A1CF: variants seen among roughly 807,000 people sequenced by gnomAD.
The protein encoded by A1CF is APOBEC-1 stimulating protein.
A1CF carries 48 observed loss-of-function variants against 68.9 expected under a neutral mutation model. The observed-to-expected ratio is 0.70, with a 90% CI of 0.55 to 0.89. The LOEUF (loss-of-function observed/expected upper bound fraction) is 0.89. Ranked by LOEUF, A1CF falls within the 40% of genes least tolerant of loss-of-function variation. The pLI, the probability that A1CF is intolerant of heterozygous loss-of-function variation, is 0.00. For synonymous variants in A1CF, 272 were observed against 260.4 expected (o/e 1.04, Z -0.43); for missense variants, 653 against 718.9 (o/e 0.91, Z 1.05).
intron 5 of A1CF, among the ~76,000 whole-genome samples, chr10:50,839,954 C>A (rs1203953679): frequency 6.6e-6 from 1 of 152,162 alleles, no homozygotes; most frequent in Non-Finnish European, 1.5e-5. Context: ...GTTGGTCAGG[C>A]TGGTCTCAAA....
At chr10:50,809,107 A>T (rs1209444859) in intron 12 of A1CF, among the ~76,000 whole-genome samples, 2 of 152,134 alleles carry the variant, frequency 1.3e-5, no homozygotes, top group African/African-American at 4.8e-5. Context: ...ATTCAGTTTT[A>T]ATTATTACCA....
chr10:50,839,172 T>C (rs1839658218), intron 5 of A1CF, among the ~76,000 whole-genome samples: 1 of 152,226 alleles, frequency 6.6e-6, no homozygotes, highest in Non-Finnish European at 1.5e-5. Context: ...GGATTGATTT[T>C]ATTCATTATT....
Position 50,813,962 on chromosome 10 carries a change from T to C in A1CF, c.1218A>G (p.Lys406=), listed in dbSNP as rs1331106408. ...YTGLGRGYQV[K]GDKREDKLYD... ...AGAGTTTGTCTTCTCTTTTGTCTCC[T>C]TTGACCTGGTATCCTCGACCCAGGC... Residue 406 remains lysine, a synonymous_variant, in exon 10 of 13, where the codon AAA becomes AAG. Transcript: ENST00000373997. The C allele has an allele frequency of 1.9e-6, 3 of 1,613,942 alleles. No homozygotes were observed. The African/African-American group carries it at 4.0e-5, about 22-fold the overall frequency.
intron 10 of A1CF, among the ~76,000 whole-genome samples, chr10:50,812,318 C>T (rs529209544): frequency 6.6e-6 from 1 of 152,184 alleles, no homozygotes; most frequent in South Asian, 2.1e-4. Flanking sequence ...CACAACTCTA[C>T]TTTGGGATTG....
At position 50,880,499 on chromosome 10, in the gene A1CF, C is replaced by T. The variant is rs1007260959; in HGVS notation, c.-94+5082G>A. Among the ~76,000 whole-genome samples the T allele has an allele frequency of 2.6e-5, 4 of 152,232 alleles. No homozygotes were observed. The East Asian group carries it at 5.8e-4, about 22-fold the overall frequency. Reference sequence around the variant, plus strand: ...TAGTTGGTAGTAAGTACATGAATGGCGAGGAACTCTTAGGGATCTTCGGAA... The same window carrying T: ...TAGTTGGTAGTAAGTACATGAATGGTGAGGAACTCTTAGGGATCTTCGGAA... On this transcript the variant is annotated intron_variant, in intron 1 of 12. Coordinates refer to ENST00000373997, the MANE Select transcript of A1CF (RefSeq NM_014576.4).
chr10:50,829,091 A>T (rs78803224), intron 6 of A1CF, among the ~76,000 whole-genome samples: 18 of 152,148 alleles, frequency 1.2e-4, no homozygotes, highest in Non-Finnish European at 2.6e-4. Flanking sequence ...CCCATGTGCC[A>T]TCTCAGTTAC....
chr10:50,839,217 C>G (rs1839660411), intron 5 of A1CF, among the ~76,000 whole-genome samples: 1 of 152,200 alleles, frequency 6.6e-6, no homozygotes, highest in Admixed American at 6.5e-5. Flanking sequence ...TATTTACAGG[C>G]CCTATTGGGT....
chr10:50,857,891 A>G (rs900642945), intron 3 of A1CF, among the ~76,000 whole-genome samples: 2 of 152,222 alleles, frequency 1.3e-5, no homozygotes, highest in Non-Finnish European at 2.9e-5. Context: ...TCAAATATCA[A>G]AGAGAACCCA....
chr10:50,819,604 T>C (rs1838544138), intron 8 of A1CF, among the ~76,000 whole-genome samples: 1 of 152,186 alleles, frequency 6.6e-6, no homozygotes, highest in South Asian at 2.1e-4. Context: ...TTGTTTTCTT[T>C]TGGGACCCTG....
chr10:50,806,467 C>A lies in A1CF; in HGVS notation c.*262G>T. On this transcript the variant is annotated 3_prime_UTR_variant, in exon 13 of 13. Coordinates refer to ENST00000373997, the MANE Select transcript of A1CF (RefSeq NM_014576.4). ...TTTGTAAACATACTCCCCAAACACTCAGGAAGACTGGAAGAACAACTTTTG... is the reference window on the plus strand; with the variant it reads ...TTTGTAAACATACTCCCCAAACACTAAGGAAGACTGGAAGAACAACTTTTG... 4.2e-6 allele frequency: 1 copy of A among 239,072 alleles called. No homozygotes were observed. The highest frequency in any genetic ancestry group is 7.9e-6 in the Non-Finnish European group (1 of 126,080). The allele number at this position is 239,072 out of a possible 1,614,324, so 14.8% of individuals were successfully genotyped here.
At chr10:50,875,530 G>A (rs1358109820) in intron 1 of A1CF, among the ~76,000 whole-genome samples, 2 of 152,220 alleles carry the variant, frequency 1.3e-5, no homozygotes, top group Non-Finnish European at 2.9e-5. Flanking sequence ...AAGAGCCTGA[G>A]CAGTTCTGTG....
At chr10:50,826,421 T>C (rs1838938417) in intron 7 of A1CF, among the ~76,000 whole-genome samples, 1 of 151,854 alleles carries the variant, frequency 6.6e-6, no homozygotes, top group African/African-American at 2.4e-5. Flanking sequence ...TTTTAAAGAA[T>C]GTTTTGATCT....
chr10:50,841,402 G>A (rs1839769544), intron 5 of A1CF, among the ~76,000 whole-genome samples: 1 of 152,100 alleles, frequency 6.6e-6, no homozygotes, highest in Non-Finnish European at 1.5e-5. Flanking sequence ...GTCATGACTG[G>A]CTCTTTTCAT....
At chr10:50,831,588 C>A (rs112417771) in intron 6 of A1CF, among the ~76,000 whole-genome samples, 2 of 152,004 alleles carry the variant, frequency 1.3e-5, no homozygotes, top group Admixed American at 1.3e-4. Context: ...GTTAGCCAGG[C>A]GTGGTGGCAC....
intron 6 of A1CF, among the ~76,000 whole-genome samples, chr10:50,833,614 C>T (rs1357377364): frequency 6.6e-6 from 1 of 152,170 alleles, no homozygotes; most frequent in Non-Finnish European, 1.5e-5. Context: ...TTCTTGTTGT[C>T]TTCACTTATC....
rs1260354654 is a variant in A1CF at position 50,836,129 on chromosome 10, G to C, written c.549C>G (p.Phe183Leu). The change falls in exon 6 of 13, where the codon TTC becomes TTG. Residue 183 changes from phenylalanine to leucine, a missense_variant. Physicochemically the swap from Phe to Leu is conservative, Grantham distance 22. Transcript: ENST00000373997. Reference protein sequence around the residue: ...ADKTKNRGFAFVEYESHRAAA... With the variant: ...ADKTKNRGFALVEYESHRAAA... The stretch of plus-strand genomic sequence containing the variant: ...CTGCTCGATGACTCTCATACTCCAC[G>C]AAGGCAAAGCCTCGGTTTTTGGTTT... 6.2e-7 allele frequency: 1 copy of C among 1,613,974 alleles called. No individual in the cohort carries two copies.
intron 2 of A1CF, among the ~76,000 whole-genome samples, chr10:50,861,535 A>T (rs373474381): frequency 6.7e-6 from 1 of 148,436 alleles, no homozygotes; most frequent in Non-Finnish European, 1.5e-5. Flanking sequence ...CAATAACAAT[A>T]TTATTAGGAC....
At position 50,836,202 on chromosome 10, in the gene A1CF, A is replaced by G; in HGVS notation, c.476T>C (p.Val159Ala). Reference protein sequence around the residue: ...REEILSEMKKVTEGVVDVIVY... With the variant: ...REEILSEMKKATEGVVDVIVY... Reference sequence around the variant, plus strand: ...GATGACATCGACAACACCTTCAGTAACCTTTTTCATCTCCGATAAGATTTC... The same window carrying G: ...GATGACATCGACAACACCTTCAGTAGCCTTTTTCATCTCCGATAAGATTTC... The change falls in exon 6 of 13, where the codon GTT (valine) becomes GCT (alanine). Residue 159 changes from valine to alanine, a missense_variant. Physicochemically the swap from Val to Ala is moderately conservative, Grantham distance 64. Transcript: ENST00000373997. 6.2e-7 allele frequency: 1 copy of G among 1,613,964 alleles called. No homozygotes were observed. Among genetic ancestry groups the G allele is most frequent in the Non-Finnish European group, 8.5e-7 (1 of 1,179,908 alleles).
chr10:50,838,652 T>C (rs915717056), intron 5 of A1CF, among the ~76,000 whole-genome samples: 5 of 152,188 alleles, frequency 3.3e-5, no homozygotes, highest in Non-Finnish European at 5.9e-5. Flanking sequence ...GATCAGTGAA[T>C]ATCTGATGAA....
Sources: allele counts gnomAD v4.1 joint callset (sites outside exome capture counted in the v4.1 genomes callset), GRCh38; gene constraint gnomAD v4.1.1; transcripts MANE v1.5; gene names NCBI Gene and HGNC (gene_info 2026-07-23, HGNC 2026-07-21).